ATP11C: variants seen among roughly 807,000 people sequenced by gnomAD.
The protein encoded by ATP11C is ATPase phospholipid transporting 11C (ATP11C blood group).
A neutral mutation model predicts 97.4 loss-of-function variants in ATP11C; 36 were observed. The observed-to-expected ratio is 0.37, with a 90% CI of 0.28 to 0.49. The LOEUF (loss-of-function observed/expected upper bound fraction) is 0.49. Ranked by LOEUF, ATP11C falls within the 20% of genes least tolerant of loss-of-function variation. The pLI is 0.98. For synonymous variants in ATP11C, 275 were observed against 290.9 expected (o/e 0.95, Z 0.56); for missense variants, 730 against 824.6 (o/e 0.89, Z 1.40).
At chrX:139,867,043 A>G (rs942342821) in intron 1 of ATP11C, among the ~76,000 whole-genome samples, 1 of 111,911 alleles carries the variant, frequency 8.9e-6, no homozygotes, top group African/African-American at 3.3e-5. Flanking sequence ...CTGTGTTTGC[A>G]CTACTGCACT....
At chrX:139,876,173 C>T (rs2084468519) in intron 1 of ATP11C, among the ~76,000 whole-genome samples, 1 of 111,331 alleles carries the variant, frequency 9.0e-6, no homozygotes, top group African/African-American at 3.3e-5. Flanking sequence ...AGCTCACCCC[C>T]ACAAAAACAA....
At chrX:139,857,366 AAT>A (rs1328731046) in intron 1 of ATP11C, among the ~76,000 whole-genome samples, 1 of 112,022 alleles carries the variant, frequency 8.9e-6, no homozygotes, top group Non-Finnish European at 1.9e-5. Context: ...TCAAAGAATT[AAT>A]ATGTCAGTGT....
At position 139,741,063 on chromosome X, in the gene ATP11C, A is replaced by G. The variant is rs1430896781; in HGVS notation, c.3062T>C (p.Ile1021Thr). The change falls in exon 27 of 30, where the codon ATA (isoleucine) becomes ACA (threonine). Residue 1021 changes from isoleucine (I) to threonine (T), a missense_variant. Physicochemically the swap from Ile to Thr is moderately conservative, Grantham distance 89. Transcript: ENST00000682941. ...AGAACCCCAAATCACAAAGTGATTT[A>G]TCCACGTCCAGAATCGGGTATCCAA... Reference protein sequence around the residue: ...LALDTRFWTWINHFVIWGSLA... With the variant: ...LALDTRFWTWTNHFVIWGSLA... 8.3e-7 allele frequency: 1 copy of G among 1,204,956 alleles called. No individual in the cohort carries two copies. Among genetic ancestry groups the G allele is most frequent in the Non-Finnish European group, 1.1e-6 (1 of 889,785 alleles).
chrX:139,785,163 G>C (rs1389970800), intron 16 of ATP11C, 63 bp downstream of exon 16: 5 of 861,127 alleles, frequency 5.8e-6, no homozygotes, highest in South Asian at 4.7e-5. Context: ...TCCTGAAAGA[G>C]TGAATCAACC....
Position 139,848,206 on chromosome X carries a change from T to C in ATP11C, c.28-21383A>G, listed in dbSNP as rs181390566. Among the ~76,000 whole-genome samples, 768 of 111,796 alleles carry C rather than the reference T, an allele frequency of 6.9e-3. 8 individuals carry two copies. Among genetic ancestry groups the C allele is most frequent in the African/African-American group, 0.023 (721 of 30,736 alleles). ...GCCCATTGGCTGAAGAGTTTGAAATTTGGCTTTCAAACTTGTTCTCTATGC... is the reference window on the plus strand; with the variant it reads ...GCCCATTGGCTGAAGAGTTTGAAATCTGGCTTTCAAACTTGTTCTCTATGC... On this transcript the variant is annotated intron_variant, in intron 1 of 29. Transcript: ENST00000682941.
At chrX:139,802,701 T>C (rs1489312434) in intron 6 of ATP11C, among the ~76,000 whole-genome samples, 1 of 111,817 alleles carries the variant, frequency 8.9e-6, no homozygotes, top group African/African-American at 3.3e-5. Flanking sequence ...CTTATTATTT[T>C]GCTCACTATA....
chrX:139,913,282 C>T (rs2085104962), intron 1 of ATP11C, among the ~76,000 whole-genome samples: 1 of 111,975 alleles, frequency 8.9e-6, no homozygotes, highest in Non-Finnish European at 1.9e-5. Context: ...ATCCTCTCCT[C>T]CATTAGTGCT....
intron 1 of ATP11C, among the ~76,000 whole-genome samples, chrX:139,859,267 T>G (rs2084142619): frequency 8.9e-6 from 1 of 111,778 alleles, no homozygotes; most frequent in African/African-American, 3.3e-5. Context: ...TAAGTTACAG[T>G]GTTCTATAGC....
At chrX:139,889,086 G>C (rs1259665730) in intron 1 of ATP11C, among the ~76,000 whole-genome samples, 2 of 111,987 alleles carry the variant, frequency 1.8e-5, no homozygotes, top group African/African-American at 6.5e-5. Flanking sequence ...AGGATTACAG[G>C]TGTGAGCCAC....
intron 6 of ATP11C, among the ~76,000 whole-genome samples, chrX:139,802,820 C>T (rs186757860): frequency 1.8e-5 from 2 of 111,913 alleles, no homozygotes; most frequent in East Asian, 2.8e-4. Flanking sequence ...AGTTCCATTA[C>T]ACAAATAGCT....
chrX:139,877,796 T>C (rs988784382), intron 1 of ATP11C, among the ~76,000 whole-genome samples: 2 of 111,560 alleles, frequency 1.8e-5, no homozygotes, highest in African/African-American at 6.5e-5. Context: ...CCAAGAAGGG[T>C]GGATCGCTTG....
intron 1 of ATP11C, among the ~76,000 whole-genome samples, chrX:139,890,374 T>A (rs886965670): frequency 7.2e-5 from 8 of 110,789 alleles, no homozygotes; most frequent in Non-Finnish European, 1.3e-4. Context: ...CTACAAAAAA[T>A]TTTTTTAAAA....
At chrX:139,873,992 A>G (rs1025219341) in intron 1 of ATP11C, among the ~76,000 whole-genome samples, 1 of 107,534 alleles carries the variant, frequency 9.3e-6, no homozygotes, top group Non-Finnish European at 1.9e-5. Context: ...CAACTCATTT[A>G]TTATCTCCCT....
intron 22 of ATP11C, among the ~76,000 whole-genome samples, chrX:139,758,113 T>C (rs753809011): frequency 8.9e-6 from 1 of 112,025 alleles, no homozygotes; most frequent in African/African-American, 3.2e-5. Context: ...TCTGTTGCTG[T>C]CCTTCTTCCA....
intron 1 of ATP11C, among the ~76,000 whole-genome samples, chrX:139,907,531 G>A (rs943766643): frequency 9.0e-5 from 10 of 110,668 alleles, no homozygotes; most frequent in Non-Finnish European, 1.5e-4. Context: ...GGCACATCAC[G>A]AGGTCAGGAG....
At chrX:139,864,316 A>T (rs1569482216) in intron 1 of ATP11C, among the ~76,000 whole-genome samples, 1 of 111,842 alleles carries the variant, frequency 8.9e-6, no homozygotes, top group East Asian at 2.8e-4. Context: ...AAACCTCTCA[A>T]CTTCAAGAAA....
chrX:139,883,315 T>A (rs1466881755), intron 1 of ATP11C, among the ~76,000 whole-genome samples: 1 of 109,788 alleles, frequency 9.1e-6, no homozygotes, highest in Non-Finnish European at 1.9e-5. Flanking sequence ...GCTTGGACAC[T>A]GGAACCCTCT....
At chrX:139,729,343 A>C (rs940983788) in intron 29 of ATP11C, among the ~76,000 whole-genome samples, 1 of 111,788 alleles carries the variant, frequency 8.9e-6, no homozygotes, top group African/African-American at 3.2e-5. Context: ...GCAGCTAGTA[A>C]TAGTGTCTGG....
chrX:139,802,357 A>G lies in ATP11C; in HGVS notation c.556-18T>C. ...TAATGTGTCTAGTTGAAAGCAGAAG[A>G]AAAAGTGAAAACCAAAAAAACTTTC... On this transcript the variant is annotated intron_variant, in intron 6 of 29. Coordinates refer to ENST00000682941, the MANE Select transcript of ATP11C (RefSeq NM_001353812.2). The G allele has an allele frequency of 9.1e-7, 1 of 1,100,090 alleles. No homozygotes were observed. The highest frequency in any genetic ancestry group is 1.2e-6 in the Non-Finnish European group (1 of 800,242). 90.7% of individuals were successfully genotyped at this position (1,100,090 alleles called of 1,213,427 possible).
Sources: gnomAD v4.1 joint callset for allele counts (sites outside exome capture counted in the v4.1 genomes callset) on GRCh38, gnomAD v4.1.1 for gene constraint, MANE v1.5 for transcripts, NCBI Gene and HGNC (gene_info 2026-07-23, HGNC 2026-07-21) for gene names.